Variants in ITGAE observed in about 807,000 individuals in gnomAD.
The protein encoded by ITGAE is integrin subunit alpha E, also known as integrin alpha-E.
Under a neutral mutation model 136.5 loss-of-function variants are expected in ITGAE, and 99 were observed. That is an observed-to-expected ratio of 0.73 (90% confidence interval 0.62 to 0.86). The LOEUF is 0.86. ITGAE is among the 40% of genes least tolerant of loss of function. The probability of loss-of-function intolerance (pLI) is 0.00; values close to 1 mark genes in which losing one functional copy is unlikely to be tolerated. For synonymous variants in ITGAE, 613 were observed against 591.8 expected (o/e 1.04, Z -0.52); for missense variants, 1,447 against 1,515.3 (o/e 0.95, Z 0.75).
At chr17:3,742,765 C>A (rs529003028) in intron 19 of ITGAE, among the ~76,000 whole-genome samples, 1 of 152,334 alleles carries the variant, frequency 6.6e-6, no homozygotes, top group African/African-American at 2.4e-5. Flanking sequence ...GATTCTCCTG[C>A]CTCAGCCTCC....
intron 2 of ITGAE, 40 bp from the exon 3 acceptor site, chr17:3,764,000 G>A (rs1490997881): frequency 2.1e-6 from 3 of 1,430,132 alleles, no homozygotes; most frequent in Non-Finnish European, 2.9e-6. Flanking sequence ...GCTGGCTGAT[G>A]TTCCTCGTCT....
chr17:3,745,147 T>C (rs946569216), intron 18 of ITGAE, among the ~76,000 whole-genome samples: 3 of 151,156 alleles, frequency 2.0e-5, no homozygotes, highest in African/African-American at 7.3e-5. Context: ...AGATGGTCGT[T>C]TCTATCTTTT....
chr17:3,736,585 T>C (rs922481666), intron 20 of ITGAE, among the ~76,000 whole-genome samples: 10 of 152,110 alleles, frequency 6.6e-5, no homozygotes, highest in African/African-American at 2.4e-4. Flanking sequence ...TAAAAGGCTG[T>C]GGTTTAAGAC....
At chr17:3,786,076 A>G (rs2052789600) in intron 1 of ITGAE, among the ~76,000 whole-genome samples, 2 of 150,702 alleles carry the variant, frequency 1.3e-5, no homozygotes, top group African/African-American at 2.4e-5. Flanking sequence ...CTGAGGCAGG[A>G]GAATGGCGTG....
At position 3,739,855 on chromosome 17, in the gene ITGAE, C is replaced by T; in HGVS notation, c.2472G>A (p.Lys824=). Residue 824 remains lysine, a synonymous_variant, in exon 20 of 31, where the codon AAG becomes AAA. Transcript: ENST00000263087. ...ATTCTGCGACACAAAACAGCTTATT[C>T]TTGCAGGCCTTCTCATAGGGCAGCT... is the stretch of plus-strand genomic sequence containing the variant. ...IFQLPYEKAC[K]NKLFCVAELQ... The T allele has an allele frequency of 6.2e-7, 1 of 1,614,210 alleles. No homozygotes were observed. The highest frequency in any genetic ancestry group is 8.5e-7 in the Non-Finnish European group (1 of 1,180,016).
chr17:3,754,124 C>T (rs1460778279), intron 12 of ITGAE, among the ~76,000 whole-genome samples, 199 bp from the exon 13 acceptor site: 1 of 152,162 alleles, frequency 6.6e-6, no homozygotes, highest in Non-Finnish European at 1.5e-5. Flanking sequence ...CCCCATCACA[C>T]AGATATGATG....
In ITGAE at chr17:3,774,230, A is replaced by G. The variant is rs535716892; in HGVS notation, c.155+3310T>C. On this transcript the variant is annotated intron_variant, in intron 2 of 30. Transcript: ENST00000263087. ...TGCTCCTGTGTGCTGGGTGTGAAGG[A>G]AACCCTTGACCACTGACCAGGAGCA... Among the ~76,000 whole-genome samples the G allele has an allele frequency of 1.8e-4, 28 of 152,092 alleles. No homozygotes were observed. The South Asian group carries it at 5.6e-3, about 31-fold the overall frequency.
intron 23 of ITGAE, among the ~76,000 whole-genome samples, chr17:3,730,729 C>T (rs541584737): frequency 1.3e-5 from 2 of 152,238 alleles, no homozygotes; most frequent in African/African-American, 4.8e-5. Context: ...CTCTGGTGGG[C>T]AGAATCACCT....
chr17:3,733,698 G>A (rs967131920), intron 21 of ITGAE, among the ~76,000 whole-genome samples: 3 of 152,236 alleles, frequency 2.0e-5, no homozygotes, highest in Non-Finnish European at 4.4e-5. Flanking sequence ...TGGGATTACA[G>A]GCATGGGCCA....
At chr17:3,779,359 G>T (rs966534305) in intron 1 of ITGAE, among the ~76,000 whole-genome samples, 11 of 150,720 alleles carry the variant, frequency 7.3e-5, no homozygotes, top group Non-Finnish European at 1.6e-4. Flanking sequence ...ATGGGGTCTT[G>T]CTCTGTCGCC....
intron 18 of ITGAE, 28 bp from the exon 19 acceptor site, chr17:3,743,645 T>A (rs1187316600): frequency 6.3e-7 from 1 of 1,599,774 alleles, no homozygotes; most frequent in Non-Finnish European, 8.5e-7. Flanking sequence ...AAGGCAGGGT[T>A]AGAGTTGGAT....
intron 2 of ITGAE, among the ~76,000 whole-genome samples, chr17:3,767,977 G>A (rs1013445791): frequency 1.3e-5 from 2 of 152,122 alleles, no homozygotes; most frequent in African/African-American, 4.8e-5. Context: ...AATAAGGCAA[G>A]AAAACAGATT....
chr17:3,801,183 G>A lies in ITGAE; in HGVS notation c.-39C>T, dbSNP rs369239631. On this transcript the variant is annotated 5_prime_UTR_variant, in exon 1 of 31. Transcript: ENST00000263087. ...GAGGCGGCTGTGTGGGAGCCGAGGC[G>A]AGTGCGACACATGGGCCGTGGCCCA... is the stretch of plus-strand genomic sequence containing the variant. 5.0e-4 allele frequency: 805 copies of A among 1,606,204 alleles called. 3 individuals carry two copies. The Admixed American group carries it at 5.6e-3, about 11-fold the overall frequency.
intron 17 of ITGAE, among the ~76,000 whole-genome samples, chr17:3,747,229 A>G (rs1216332802): frequency 6.6e-6 from 1 of 152,224 alleles, no homozygotes; most frequent in Admixed American, 6.5e-5. Context: ...GGGAGAAGAC[A>G]CAAGTCAGAG....
Position 3,762,072 on chromosome 17 carries a change from G to A in ITGAE, c.248-90C>T. On this transcript the variant is annotated intron_variant, in intron 3 of 30. Coordinates refer to ENST00000263087, the MANE Select transcript of ITGAE (RefSeq NM_002208.5). ...GGTCAGAGGGCACAGAGCCACCTTG[G>A]TCAGGCCCCCATGAGGAACTGTTGG... 3.8e-6 allele frequency: 4 copies of A among 1,062,338 alleles called. No individual in the cohort carries two copies. The South Asian group carries it at 4.2e-5, about 11-fold the overall frequency. 65.8% of individuals were successfully genotyped at this position (1,062,338 alleles called of 1,614,324 possible).
chr17:3,781,636 C>T (rs921371759), intron 1 of ITGAE, among the ~76,000 whole-genome samples: 3 of 152,182 alleles, frequency 2.0e-5, no homozygotes, highest in African/African-American at 7.2e-5. Context: ...GGATTACAGG[C>T]GTGAGCCAAG....
intron 29 of ITGAE, among the ~76,000 whole-genome samples, chr17:3,718,663 C>T (rs2050986932): frequency 6.6e-6 from 1 of 152,224 alleles, no homozygotes; most frequent in Admixed American, 6.5e-5. Context: ...TTTGGGGAAT[C>T]CATGCTATAG....
At chr17:3,794,596 C>G (rs1470244023) in intron 1 of ITGAE, among the ~76,000 whole-genome samples, 1 of 152,166 alleles carries the variant, frequency 6.6e-6, no homozygotes, top group Non-Finnish European at 1.5e-5. Context: ...GGTTCCAGAT[C>G]AAGACCCCTA....
chr17:3,750,469 G>T lies in ITGAE; in HGVS notation c.1907C>A (p.Ser636Tyr). ...GTACTGGAGTCCTGGGGCCACCGTG[G>T]AGGCTCTGATCCGCTGTGGAGGCAG... ...SASPSQRIRA[S>Y]TVAPGLQYFG... Residue 636 changes from serine to tyrosine, a missense_variant, in exon 16 of 31, where the codon TCC becomes TAC. This residue lies in a region of ITGAE where 1,031 missense variants were observed against 1,011.4 expected (regional missense o/e 1.02). Transcript: ENST00000263087. 3 of 1,614,156 alleles carry T rather than the reference G, an allele frequency of 1.9e-6. No homozygotes were observed. The highest frequency in any genetic ancestry group is 2.5e-6 in the Non-Finnish European group (3 of 1,180,022).
Sources: allele counts gnomAD v4.1 joint callset (sites outside exome capture counted in the v4.1 genomes callset), GRCh38; gene constraint gnomAD v4.1.1; regional missense constraint gnomAD v4.1.1; transcripts MANE v1.5; gene names NCBI Gene and HGNC (gene_info 2026-07-23, HGNC 2026-07-21).